The following ASIC2 variants were observed in gnomAD, a reference collection of about 807,000 sequenced individuals.
ASIC2 encodes the protein acid-sensing ion channel 2.
Under a neutral mutation model 57.3 loss-of-function variants are expected in ASIC2, and 25 were observed. The ratio of observed to expected loss-of-function variants is 0.44; its 90% confidence interval spans 0.32 to 0.61. ASIC2 has a LOEUF of 0.61. ASIC2 is among the 20% of genes least tolerant of loss of function. The pLI is 0.06. For missense variants in ASIC2, 641 were observed against 738.1 expected (o/e 0.87, Z 1.52); for synonymous variants, 319 against 307.5 (o/e 1.04, Z -0.39).
intron 1 of ASIC2, among the ~76,000 whole-genome samples, chr17:33,419,087 A>G (rs1393292671): frequency 1.3e-5 from 2 of 152,316 alleles, no homozygotes; most frequent in Admixed American, 1.3e-4. Context: ...TGTACCCCAT[A>G]ACTTAAAGTA....
chr17:33,551,180 G>A (rs1170120974), intron 1 of ASIC2, among the ~76,000 whole-genome samples: 1 of 152,104 alleles, frequency 6.6e-6, no homozygotes, highest in Non-Finnish European at 1.5e-5. Flanking sequence ...ATGTCTTTTC[G>A]GTGCTTTTTC....
intron 1 of ASIC2, among the ~76,000 whole-genome samples, chr17:33,712,694 G>T (rs1205136551): frequency 1.5e-5 from 2 of 134,622 alleles, no homozygotes; most frequent in African/African-American, 5.8e-5. Context: ...CGCCCAGGCT[G>T]GAGTGCAGTG....
intron 1 of ASIC2, among the ~76,000 whole-genome samples, chr17:33,515,456 A>C (rs1914536786): frequency 6.6e-6 from 1 of 152,188 alleles, no homozygotes; most frequent in Non-Finnish European, 1.5e-5. Flanking sequence ...CCATGGGTTG[A>C]ACCTCTCTCA....
intron 1 of ASIC2, among the ~76,000 whole-genome samples, chr17:33,143,219 T>C (rs1026596114): frequency 3.3e-5 from 5 of 152,178 alleles, no homozygotes; most frequent in Non-Finnish European, 7.3e-5. Flanking sequence ...AATGTAGATA[T>C]CTTGACATGT....
At chr17:33,636,000 A>C (rs188212843) in intron 1 of ASIC2, among the ~76,000 whole-genome samples, 1 of 152,380 alleles carries the variant, frequency 6.6e-6, no homozygotes, top group African/African-American at 2.4e-5. Context: ...AATGACGGAT[A>C]CAATTTTATA....
chr17:33,805,095 C>T (rs570533633), intron 1 of ASIC2, among the ~76,000 whole-genome samples: 2 of 152,284 alleles, frequency 1.3e-5, no homozygotes, highest in East Asian at 1.9e-4. Context: ...CAACACCCCT[C>T]GACCTTTTCT....
chr17:33,692,193 C>CA (rs994395465), intron 1 of ASIC2: 1 of 152,070 alleles, frequency 6.6e-6, no homozygotes, highest in East Asian at 1.9e-4. Context: ...ACCTGCACCC[C>CA]AAAAAATGTT....
At chr17:33,999,899 T>G (rs948911302) in intron 1 of ASIC2, among the ~76,000 whole-genome samples, 1 of 152,152 alleles carries the variant, frequency 6.6e-6, no homozygotes, top group Non-Finnish European at 1.5e-5. Flanking sequence ...CTTTTATTTC[T>G]AATAGAAAAA....
Position 33,397,381 on chromosome 17 carries a change from G to A in ASIC2, c.556-285314C>T, listed in dbSNP as rs141856089. 2.5e-3 allele frequency among the ~76,000 whole-genome samples: 379 copies of A among 152,294 alleles called. 2 individuals are homozygous for A. Among genetic ancestry groups the A allele is most frequent in the Middle Eastern group, 0.01 (3 of 294 alleles). On this transcript the variant is annotated intron_variant, in intron 1 of 9. Coordinates refer to the ASIC2 transcript ENST00000359872. ...TCCATTTCTTTGTCTGTCTTAGGAT[G>A]TGAGCTCCTTTGGTAGAAGTCACTC...
chr17:34,062,462 C>T (rs898012090), intron 1 of ASIC2, among the ~76,000 whole-genome samples: 2 of 151,882 alleles, frequency 1.3e-5, no homozygotes, highest in Non-Finnish European at 2.9e-5. Flanking sequence ...CGTTAAGGAA[C>T]TAGAGAAAGA....
chr17:33,399,813 T>C (rs553030949), intron 1 of ASIC2, among the ~76,000 whole-genome samples: 3 of 152,296 alleles, frequency 2.0e-5, no homozygotes, highest in African/African-American at 7.2e-5. Flanking sequence ...ACCATGGTAG[T>C]GGTGGGCAGG....
At position 34,116,910 on chromosome 17, in the gene ASIC2, T is replaced by G. The variant is rs547680928; in HGVS notation, c.555+39068A>C. Reference sequence around the variant, plus strand: ...TGTGGGTGGGTGGGTGTGTACCAAGTGTATGCAATGTGAACCAGCCATTGG... The same window carrying G: ...TGTGGGTGGGTGGGTGTGTACCAAGGGTATGCAATGTGAACCAGCCATTGG... On this transcript the variant is annotated intron_variant, in intron 1 of 9. Coordinates refer to the ASIC2 transcript ENST00000359872. Among the ~76,000 whole-genome samples, 38 of 152,214 alleles carry G rather than the reference T, an allele frequency of 2.5e-4. No homozygotes were observed. The South Asian group carries it at 7.9e-3, about 32-fold the overall frequency.
At chr17:33,705,834 GA>G (rs1424240398) in intron 1 of ASIC2, among the ~76,000 whole-genome samples, 3 of 152,152 alleles carry the variant, frequency 2.0e-5, no homozygotes, top group African/African-American at 7.2e-5. Flanking sequence ...AGCAGCCACA[GA>G]AAACTGGTAC....
chr17:33,583,710 G>C (rs1181441955), intron 1 of ASIC2, among the ~76,000 whole-genome samples: 1 of 152,326 alleles, frequency 6.6e-6, no homozygotes, highest in African/African-American at 2.4e-5. Flanking sequence ...AACATGCCCA[G>C]ATTATTTCAT....
chr17:33,362,131 G>C (rs1057130637), intron 1 of ASIC2, among the ~76,000 whole-genome samples: 8 of 152,202 alleles, frequency 5.3e-5, no homozygotes, highest in Admixed American at 4.6e-4. Context: ...GCCATGCTCT[G>C]TGTGGGAAGC....
intron 1 of ASIC2, among the ~76,000 whole-genome samples, chr17:33,377,488 T>C (rs1285295591): frequency 6.6e-6 from 1 of 152,268 alleles, no homozygotes; most frequent in African/African-American, 2.4e-5. Context: ...GCCAATCTTT[T>C]ATGTCCAATT....
At chr17:33,575,234 T>C (rs897630987) in intron 1 of ASIC2, among the ~76,000 whole-genome samples, 1 of 152,216 alleles carries the variant, frequency 6.6e-6, no homozygotes, top group African/African-American at 2.4e-5. Flanking sequence ...GTTTTCCTCA[T>C]ATGAAGGTAG....
intron 1 of ASIC2, among the ~76,000 whole-genome samples, chr17:33,909,525 G>GC (rs1248371637): frequency 1.3e-5 from 2 of 152,266 alleles, no homozygotes; most frequent in East Asian, 3.9e-4. Context: ...GGGCTATGGA[G>GC]CCCATAGGCT....
chr17:33,332,608 C>T (rs55726001), intron 1 of ASIC2, among the ~76,000 whole-genome samples: 15,967 of 152,144 alleles, frequency 0.1, 878 homozygotes, highest in Middle Eastern at 0.18. Flanking sequence ...CTCAGATTCA[C>T]GGCCAGGCAT....
Sources: allele counts gnomAD v4.1 joint callset (sites outside exome capture counted in the v4.1 genomes callset), GRCh38; gene constraint gnomAD v4.1.1; transcripts MANE v1.5; gene names NCBI Gene and HGNC (gene_info 2026-07-23, HGNC 2026-07-21).